Variants in SRCAP observed in about 807,000 individuals in gnomAD.
The protein encoded by SRCAP is chromatin remodeling protein SRCAP.
A neutral mutation model predicts 263.1 loss-of-function variants in SRCAP; 46 were observed. The ratio of observed to expected loss-of-function variants is 0.17; its 90% CI spans 0.14 to 0.22. SRCAP has a LOEUF of 0.22. Among genes scored for constraint, SRCAP ranks in the 10% least tolerant of loss-of-function variants. The pLI, the probability that SRCAP is intolerant of heterozygous loss-of-function variation, is 1.00. For synonymous variants in SRCAP, 1,813 were observed against 1,662.1 expected, an observed-to-expected ratio of 1.09 and a Z score of -2.21; for missense variants, 3,695 against 4,181.9, an observed-to-expected ratio of 0.88 and a Z score of 3.21.
chr16:30,724,505 C>T lies in SRCAP; in HGVS notation c.5081C>T (p.Ser1694Leu). Residue 1694 changes from serine (S) to leucine (L), a missense_variant, in exon 25 of 34, where the codon TCA becomes TTA. By Grantham distance (145) the Ser-to-Leu change is moderately radical. Transcript: ENST00000262518. ...GCTTTAGCACCCACTCTTGGAGGCT[C>T]ATCTCCATCTCAGACACTCTCTTTG... is the stretch of plus-strand genomic sequence containing the variant. The part of the protein sequence containing the change: ...APALAPTLGG[S>L]SPSQTLSLGT... 6.2e-7 allele frequency: 1 copy of T among 1,614,200 alleles called. No individual in the cohort carries two copies. Among genetic ancestry groups the T allele is most frequent in the Non-Finnish European group, 8.5e-7 (1 of 1,180,028 alleles).
intron 25 of SRCAP, chr16:30,725,762 T>C (rs1319103358): frequency 6.6e-6 from 1 of 152,210 alleles, no homozygotes; most frequent in African/African-American, 2.4e-5. Context: ...ACCATTCGAT[T>C]TACCCATTTA....
chr16:30,707,972 C>T (rs2052845945), intron 6 of SRCAP, among the ~76,000 whole-genome samples: 1 of 152,162 alleles, frequency 6.6e-6, no homozygotes, highest in Non-Finnish European at 1.5e-5. Flanking sequence ...TGTATTTGTG[C>T]CACTTAGCAC....
Position 30,725,042 on chromosome 16 carries a change from G to T in SRCAP, c.5618G>T (p.Arg1873Leu), listed in dbSNP as rs1275856577. Reference sequence around the variant, plus strand: ...ACCTCGTTTGGTGGCCCCCGGCCTCGACGCCAGCCCCCCCCACCACCTCGT... The same window carrying T: ...ACCTCGTTTGGTGGCCCCCGGCCTCTACGCCAGCCCCCCCCACCACCTCGT... Reference protein sequence around the residue: ...TATSFGGPRPRRQPPPPPRSP... With the variant: ...TATSFGGPRPLRQPPPPPRSP... Residue 1873 changes from arginine (R) to leucine (L), a missense_variant, in exon 25 of 34, where the codon CGA (arginine) becomes CTA (leucine). By Grantham distance (102) the Arg-to-Leu change is moderately radical (BLOSUM62 -2). Transcript: ENST00000262518. 6.2e-7 allele frequency: 1 copy of T among 1,611,850 alleles called. No individual in the cohort carries two copies. The highest frequency in any genetic ancestry group is 1.7e-5 in the Admixed American group (1 of 59,862).
Position 30,709,876 on chromosome 16 carries a change from T to C in SRCAP, c.882T>C (p.Asp294=). 6.2e-7 allele frequency: 1 copy of C among 1,613,992 alleles called. No individual in the cohort carries two copies. The highest frequency in any genetic ancestry group is 8.5e-7 in the Non-Finnish European group (1 of 1,179,990). Residue 294 remains aspartate (D), a synonymous_variant, in exon 8 of 34, where the codon GAT becomes GAC. Coordinates refer to ENST00000262518, the MANE Select transcript of SRCAP (RefSeq NM_006662.3). ...ATGGGGACTTTCAACCCCAAGAGGA[T>C]GAGGAAGAGGATGATGAGGAAACGA... ...DEDGDFQPQE[D]EEEDDEETIE...
In SRCAP at chr16:30,741,072, C is replaced by G. The variant is rs896865898; in HGVS notation, c.*1339C>G. The stretch of plus-strand genomic sequence containing the variant: ...CTGTGTGGTAATGAGGTCATTTAGA[C>G]TCAGTGTACTAGTCTGATTGTGTTA... On this transcript the variant is annotated 3_prime_UTR_variant, in exon 34 of 34. Transcript: ENST00000262518. The G allele has an allele frequency of 1.3e-5, 2 of 152,192 alleles. No individual in the cohort carries two copies. Among genetic ancestry groups the G allele is most frequent in the African/African-American group, 4.8e-5 (2 of 41,418 alleles). 9.4% of individuals were successfully genotyped at this position (152,192 alleles called of 1,614,324 possible).
rs1386993634 is a variant in SRCAP at position 30,736,602 on chromosome 16, G to A, written c.6986G>A (p.Arg2329Gln). ...FLEASLEEVS[R>Q]EELKQAEEQV... Reference sequence around the variant, plus strand: ...GAGGCCTCACTGGAGGAGGTGAGCCGAGAGGAGCTCAAACAGGCAGAAGTG... The same window carrying A: ...GAGGCCTCACTGGAGGAGGTGAGCCAAGAGGAGCTCAAACAGGCAGAAGTG... The change falls in exon 33 of 34, where the codon CGA becomes CAA. Residue 2329 changes from arginine (R) to glutamine (Q), a missense_variant. By Grantham distance (43) the Arg-to-Gln change is conservative. Coordinates refer to ENST00000262518, the MANE Select transcript of SRCAP (RefSeq NM_006662.3). The A allele has an allele frequency of 2.0e-5, 32 of 1,614,096 alleles. No individual in the cohort carries two copies. The highest frequency in any genetic ancestry group is 2.6e-5 in the Non-Finnish European group (31 of 1,180,030).
At chr16:30,717,595 C>T (rs753035928) in intron 18 of SRCAP, among the ~76,000 whole-genome samples, 5 of 145,142 alleles carry the variant, frequency 3.4e-5, no homozygotes, top group South Asian at 2.2e-4. Context: ...CACGGGTATG[C>T]GCTACCAAGC....
chr16:30,738,355 G>A lies in SRCAP; in HGVS notation c.8315G>A (p.Gly2772Glu), dbSNP rs1368930267. 2 of 1,568,680 alleles carry A rather than the reference G, an allele frequency of 1.3e-6. No individual in the cohort carries two copies. Among genetic ancestry groups the A allele is most frequent in the East Asian group, 2.2e-5 (1 of 44,544 alleles). The change falls in exon 34 of 34, where the codon GGA becomes GAA. Residue 2772 changes from glycine (G) to glutamate (E), a missense_variant. By Grantham distance (98) the Gly-to-Glu change is moderately conservative (BLOSUM62 -2). This residue lies in a region of SRCAP where 1,207 missense variants were observed against 1,142.9 expected (regional missense o/e 1.06). Coordinates refer to ENST00000262518, the MANE Select transcript of SRCAP (RefSeq NM_006662.3). The part of the protein sequence containing the change: ...ELVRRRRQQR[G>E]AASTLVPGVS... ...GTGCGGCGGCGGCGGCAGCAGCGGGGAGCTGCCAGCACCCTAGTGCCTGGG... is the reference window on the plus strand; with the variant it reads ...GTGCGGCGGCGGCGGCAGCAGCGGGAAGCTGCCAGCACCCTAGTGCCTGGG...
At position 30,712,277 on chromosome 16, in the gene SRCAP, C is replaced by T; in HGVS notation, c.1831C>T (p.Pro611Ser). The T allele has an allele frequency of 6.3e-7, 1 of 1,597,124 alleles. No homozygotes were observed. Among genetic ancestry groups the T allele is most frequent in the Non-Finnish European group, 8.5e-7 (1 of 1,171,732 alleles). ...TCTCTGACAGGTAAAGACGCCCATT[C>T]CCCTGCTTCTGCGGGGCCAGCTCCG... Reference protein sequence around the residue: ...LATTQVKTPIPLLLRGQLREY... With the variant: ...LATTQVKTPISLLLRGQLREY... Residue 611 changes from proline to serine, a missense_variant, in exon 13 of 34, where the codon CCC becomes TCC. Coordinates refer to ENST00000262518, the MANE Select transcript of SRCAP (RefSeq NM_006662.3).
At chr16:30,728,619 C>A (rs113809606) in intron 25 of SRCAP, among the ~76,000 whole-genome samples, 2 of 152,140 alleles carry the variant, frequency 1.3e-5, no homozygotes, top group African/African-American at 4.8e-5. Flanking sequence ...TAGGAAAATA[C>A]CCACAAATCG....
In SRCAP at chr16:30,739,776, C is replaced by G; in HGVS notation, c.*43C>G. ...CTAGGCTTTCCACCGTGGCCACTCC[C>G]TCCATGACCAGGCCTGACTCTGTTA... On this transcript the variant is annotated 3_prime_UTR_variant, in exon 34 of 34. Coordinates refer to ENST00000262518, the MANE Select transcript of SRCAP (RefSeq NM_006662.3). 6.9e-7 allele frequency: 1 copy of G among 1,449,724 alleles called. No individual in the cohort carries two copies. The highest frequency in any genetic ancestry group is 9.1e-7 in the Non-Finnish European group (1 of 1,099,228). 89.8% of individuals were successfully genotyped at this position (1,449,724 alleles called of 1,614,324 possible).
Position 30,722,156 on chromosome 16 carries a change from A to C in SRCAP, c.3576A>C (p.Ser1192=). Residue 1192 remains serine, a synonymous_variant, in exon 22 of 34, where the codon TCA becomes TCC. Transcript: ENST00000262518. ...TGGTCAGCATCGGGCAGTTAGCCTCACTGGCACAACGTCCAGTGGCTAATG... is the reference window on the plus strand; with the variant it reads ...TGGTCAGCATCGGGCAGTTAGCCTCCCTGGCACAACGTCCAGTGGCTAATG... ...GEVVSIGQLA[S]LAQRPVANAG... 1 of 1,614,186 alleles carries C rather than the reference A, an allele frequency of 6.2e-7. No homozygotes were observed.
At chr16:30,710,600 A>G (rs1447219108) in intron 8 of SRCAP, 154 bp from the exon 9 acceptor site, 3 of 877,282 alleles carry the variant, frequency 3.4e-6, no homozygotes, top group Non-Finnish European at 5.8e-6. Flanking sequence ...GTGCTGAGAG[A>G]AAACCCTTGA....
At chr16:30,718,674 G>A (rs892992281) in intron 18 of SRCAP, among the ~76,000 whole-genome samples, 10 of 150,182 alleles carry the variant, frequency 6.7e-5, no homozygotes, top group Non-Finnish European at 1.3e-4. Context: ...GTTTCACCAC[G>A]TTGCCCAGCT....
Position 30,720,757 on chromosome 16 carries a change from T to C in SRCAP, c.3032T>C (p.Val1011Ala). 1 of 1,613,448 alleles carries C rather than the reference T, an allele frequency of 6.2e-7. No individual in the cohort carries two copies. ...VPKQEGRTVV[V>A]VNNPRAPLGP... ...AAGCAAGAAGGCCGGACAGTGGTGGTGGTGAACAACCCACGGGCGCCCCTG... is the reference window on the plus strand; with the variant it reads ...AAGCAAGAAGGCCGGACAGTGGTGGCGGTGAACAACCCACGGGCGCCCCTG... The change falls in exon 20 of 34, where the codon GTG (valine) becomes GCG (alanine). Residue 1011 changes from valine (V) to alanine (A), a missense_variant. Coordinates refer to ENST00000262518, the MANE Select transcript of SRCAP (RefSeq NM_006662.3).
Position 30,737,275 on chromosome 16 carries a change from C to T in SRCAP, c.7235C>T (p.Thr2412Ile), listed in dbSNP as rs1187710584. ...ARAETQGANH[T>I]PVISAHQTRS... is the part of the protein sequence containing the mutation. ...GCTGAGACTCAAGGGGCAAACCACA[C>T]TCCTGTCATATCCGCCCATCAAACT... is the stretch of plus-strand genomic sequence containing the variant. The change falls in exon 34 of 34, where the codon ACT becomes ATT. Residue 2412 changes from threonine (T) to isoleucine (I), a missense_variant. Physicochemically the swap from Thr to Ile is moderately conservative, Grantham distance 89 (BLOSUM62 -1). This residue lies in a region of SRCAP where 1,207 missense variants were observed against 1,142.9 expected (regional missense o/e 1.06). Coordinates refer to ENST00000262518, the MANE Select transcript of SRCAP (RefSeq NM_006662.3). 6.2e-7 allele frequency: 1 copy of T among 1,614,098 alleles called. No homozygotes were observed. The highest frequency in any genetic ancestry group is 1.1e-5 in the South Asian group (1 of 91,080).
Position 30,722,651 on chromosome 16 carries a change from G to T in SRCAP, c.3795G>T (p.Pro1265=). 6.2e-7 allele frequency: 1 copy of T among 1,613,868 alleles called. No individual in the cohort carries two copies. Reference sequence around the variant, plus strand: ...TGGCCCTCATCCAGGCCGTGGCCCCGACCCCTGGCCCTACCCCTGTCTCTG... The same window carrying T: ...TGGCCCTCATCCAGGCCGTGGCCCCTACCCCTGGCCCTACCCCTGTCTCTG... ...AHVALIQAVA[P]TPGPTPVSVL... Residue 1265 remains proline, a synonymous_variant, in exon 23 of 34, where the codon CCG becomes CCT. Coordinates refer to ENST00000262518, the MANE Select transcript of SRCAP (RefSeq NM_006662.3).
At position 30,720,820 on chromosome 16, in the gene SRCAP, T is replaced by A; in HGVS notation, c.3095T>A (p.Leu1032His). The part of the protein sequence containing the change: ...VPVRPPPGPE[L>H]SAQPTPGPVP... ...GTTCGACCTCCTCCAGGTCCTGAGC[T>A]CTCAGCCCAGCCCACCCCTGGCCCA... The change falls in exon 20 of 34, where the codon CTC (leucine) becomes CAC (histidine). Residue 1032 changes from leucine (L) to histidine (H), a missense_variant. Leu to His is a moderately conservative substitution (Grantham distance 99). Around this residue, in one of 12 missense-constraint regions of SRCAP, gnomAD observed 1,347 missense variants for 1,304.4 expected, o/e 1.03. Transcript: ENST00000262518. The A allele has an allele frequency of 6.2e-7, 1 of 1,613,962 alleles. No homozygotes were observed. Among genetic ancestry groups the A allele is most frequent in the Non-Finnish European group, 8.5e-7 (1 of 1,179,980 alleles).
In SRCAP at chr16:30,721,238, G is replaced by A. The variant is rs146926872; in HGVS notation, c.3303G>A (p.Thr1101=). The part of the protein sequence containing the change: ...GVLSGTSRPP[T]PTLSLKPTPP... Reference sequence around the variant, plus strand: ...TGAGTGGGACCTCACGGCCTCCCACGCCAACCTTGTCCCTAAAGCCAACAC... The same window carrying A: ...TGAGTGGGACCTCACGGCCTCCCACACCAACCTTGTCCCTAAAGCCAACAC... Residue 1101 remains threonine (T), a synonymous_variant, in exon 21 of 34, where the codon ACG becomes ACA. Coordinates refer to ENST00000262518, the MANE Select transcript of SRCAP (RefSeq NM_006662.3). The A allele has an allele frequency of 1.2e-5, 19 of 1,613,690 alleles. No homozygotes were observed. The highest frequency in any genetic ancestry group is 9.3e-5 in the African/African-American group (7 of 75,000).
Sources: gnomAD v4.1 joint callset for allele counts (sites outside exome capture counted in the v4.1 genomes callset) on GRCh38, gnomAD v4.1.1 for gene constraint, gnomAD v4.1.1 regional missense constraint, MANE v1.5 for transcripts, NCBI Gene and HGNC (gene_info 2026-07-23, HGNC 2026-07-21) for gene names.